The following PRICKLE2 variants were observed in gnomAD, a reference collection of about 807,000 sequenced individuals.
The protein encoded by PRICKLE2 is prickle-like protein 2.
A neutral mutation model predicts 81.4 loss-of-function variants in PRICKLE2; 21 were observed. The observed-to-expected ratio is 0.26, with a 90% CI of 0.18 to 0.37. PRICKLE2 has a LOEUF of 0.37. Among genes scored for constraint, PRICKLE2 ranks in the 10% least tolerant of loss-of-function variants. The pLI, the probability that PRICKLE2 is intolerant of heterozygous loss-of-function variation, is 1.00. For synonymous variants in PRICKLE2, 456 were observed against 421.5 expected (o/e 1.08, Z -1.00); for missense variants, 940 against 1,109.0 (o/e 0.85, Z 2.16).
At chr3:64,164,280 G>C (rs2077788130) in intron 2 of PRICKLE2, among the ~76,000 whole-genome samples, 1 of 152,180 alleles carries the variant, frequency 6.6e-6, no homozygotes, top group South Asian at 2.1e-4. Context: ...AGGAGGCTAA[G>C]GCAGGAGAAT....
At position 64,162,915 on chromosome 3, in the gene PRICKLE2, A is replaced by C. The variant is rs374120563; in HGVS notation, c.258+101T>G. The C allele has an allele frequency of 8.4e-6, 7 of 833,876 alleles. No individual in the cohort carries two copies. In the South Asian group the frequency reaches 9.3e-5, roughly 11 times the overall value. The allele number at this position is 833,876 out of a possible 1,614,324, so 51.7% of individuals were successfully genotyped here. On this transcript the variant is annotated intron_variant, in intron 3 of 7. Coordinates refer to ENST00000638394, the MANE Select transcript of PRICKLE2 (RefSeq NM_198859.4). ...GCTAAAACCTAAAATAAATTGCCAG[A>C]GTTCTTCTTCGGCTACCTCATTGGT...
At chr3:64,247,302 T>G (rs1269374839) in intron 2 of PRICKLE2, among the ~76,000 whole-genome samples, 1 of 152,242 alleles carries the variant, frequency 6.6e-6, no homozygotes, top group Non-Finnish European at 1.5e-5. Context: ...CATTTTAATG[T>G]GCAGAAAAGA....
At chr3:64,215,247 C>G (rs2078853976) in intron 1 of PRICKLE2, among the ~76,000 whole-genome samples, 1 of 152,142 alleles carries the variant, frequency 6.6e-6, no homozygotes, top group Non-Finnish European at 1.5e-5. Context: ...CCAGCCTCAG[C>G]AGTCTTTATT....
intron 1 of PRICKLE2, among the ~76,000 whole-genome samples, chr3:64,208,637 G>A (rs1326913473): frequency 6.6e-6 from 1 of 152,166 alleles, no homozygotes; most frequent in Non-Finnish European, 1.5e-5. Context: ...GAGCAGCTAT[G>A]TTCTACTGTT....
At chr3:64,160,627 G>A (rs1212193277) in intron 3 of PRICKLE2, among the ~76,000 whole-genome samples, 1 of 152,214 alleles carries the variant, frequency 6.6e-6, no homozygotes, top group Non-Finnish European at 1.5e-5. Context: ...CATCTGTGAT[G>A]CTGCACAAAA....
At chr3:64,222,262 T>A (rs999832640) in intron 1 of PRICKLE2, among the ~76,000 whole-genome samples, 8 of 152,134 alleles carry the variant, frequency 5.3e-5, no homozygotes, top group African/African-American at 1.9e-4. Flanking sequence ...AGGTGGGCTG[T>A]GGTTAAGGTA....
chr3:64,092,929 G>C lies in PRICKLE2; in HGVS notation c.*6122C>G, dbSNP rs1475331323. 6.6e-6 allele frequency: 1 copy of C among 152,232 alleles called. No individual in the cohort carries two copies. The highest frequency in any genetic ancestry group is 1.5e-5 in the Non-Finnish European group (1 of 68,076). 9.4% of individuals were successfully genotyped at this position (152,232 alleles called of 1,614,324 possible). A position where few individuals can be genotyped will look rare whatever the true frequency, so the allele number is the denominator to read the frequency against. On this transcript the variant is annotated 3_prime_UTR_variant, in exon 8 of 8. Transcript: ENST00000638394. The stretch of plus-strand genomic sequence containing the variant: ...CCACTTTTAAGTGTACAGTTCAGTA[G>C]TATTAAGTTCATCTGCATTGTTCTG...
At chr3:64,266,974 T>C (rs1251162758) in intron 2 of PRICKLE2, among the ~76,000 whole-genome samples, 2 of 150,354 alleles carry the variant, frequency 1.3e-5, no homozygotes, top group Non-Finnish European at 2.9e-5. Context: ...ACCCTCTGCA[T>C]TCGATTCTCA....
intron 7 of PRICKLE2, among the ~76,000 whole-genome samples, chr3:64,107,529 A>C (rs1024172271): frequency 6.6e-6 from 1 of 152,110 alleles, no homozygotes; most frequent in African/African-American, 2.4e-5. Flanking sequence ...GAAGACAGAG[A>C]GCTGTGTTTC....
chr3:64,144,904 CAGTACTAATCTCGCTGCTGATAGGTGTTA>C (rs1470169875), intron 7 of PRICKLE2, among the ~76,000 whole-genome samples: 4 of 152,260 alleles, frequency 2.6e-5, no homozygotes, highest in East Asian at 3.9e-4. Context: ...CTTCCAGTTT[CAGTACTAATCTCGCTGCTGATAGGTGTTA>C]AGTACTAATC....
chr3:64,256,115 G>T (rs1035756868), intron 2 of PRICKLE2, among the ~76,000 whole-genome samples: 4 of 152,164 alleles, frequency 2.6e-5, no homozygotes, highest in Non-Finnish European at 5.9e-5. Flanking sequence ...GGTTTTCACT[G>T]TTCTGTGCAG....
At chr3:64,196,494 G>C (rs1184629149) in intron 2 of PRICKLE2, among the ~76,000 whole-genome samples, 1 of 152,166 alleles carries the variant, frequency 6.6e-6, no homozygotes, top group Non-Finnish European at 1.5e-5. Context: ...CCCTCTCTGA[G>C]TGTCTAAACA....
At chr3:64,146,457 GAC>G in intron 7 of PRICKLE2, 1 of 241,910 alleles carries the variant, frequency 4.1e-6, no homozygotes, top group East Asian at 9.6e-5. Context: ...AAATCCGGAG[GAC>G]CAGGCTGGGC....
At position 64,147,818 on chromosome 3, in the gene PRICKLE2, G is replaced by T; in HGVS notation, c.788-116C>A. On this transcript the variant is annotated intron_variant, in intron 6 of 7. Transcript: ENST00000638394. This position sits in a 1 kb window ranked among gnomAD's most constrained non-coding sequence, Gnocchi z 5.0. ...GATTCCAGGTGCGGCAGGATAAACT[G>T]TCAATAAATCAACAATCAGACCCTT... 9.2e-7 allele frequency: 1 copy of T among 1,092,246 alleles called. No individual in the cohort carries two copies. Among genetic ancestry groups the T allele is most frequent in the Non-Finnish European group, 1.4e-6 (1 of 721,252 alleles). The allele number at this position is 1,092,246 out of a possible 1,614,324, so 67.7% of individuals were successfully genotyped here.
chr3:64,118,614 T>C (rs2076977064), intron 7 of PRICKLE2, among the ~76,000 whole-genome samples: 1 of 152,168 alleles, frequency 6.6e-6, no homozygotes, highest in Non-Finnish European at 1.5e-5. Flanking sequence ...TCACTGATAA[T>C]TAGAGAAATG....
At chr3:64,182,953 T>A (rs1436033756) in intron 2 of PRICKLE2, among the ~76,000 whole-genome samples, 2 of 151,270 alleles carry the variant, frequency 1.3e-5, no homozygotes, top group Non-Finnish European at 2.9e-5. Flanking sequence ...GAAAATAAAG[T>A]GGTAGGAATG....
intron 1 of PRICKLE2, among the ~76,000 whole-genome samples, chr3:64,215,961 T>C (rs953565164): frequency 6.6e-6 from 1 of 152,196 alleles, no homozygotes; most frequent in Non-Finnish European, 1.5e-5. Flanking sequence ...ATCTGAGAGA[T>C]AGAAGGAACA....
intron 2 of PRICKLE2, among the ~76,000 whole-genome samples, chr3:64,197,410 A>G (rs190497020): frequency 5.3e-5 from 8 of 152,302 alleles, no homozygotes; most frequent in African/African-American, 1.9e-4. Context: ...GTATCTGTTC[A>G]TGACCTTTGC....
chr3:64,170,703 T>TAAAAA (rs770744864), intron 2 of PRICKLE2, among the ~76,000 whole-genome samples: 1 of 113,404 alleles, frequency 8.8e-6, no homozygotes. Context: ...CTAGAAACAT[T>TAAAAA]AAAAAAAAAA....
Sources: allele counts gnomAD v4.1 joint callset (sites outside exome capture counted in the v4.1 genomes callset), GRCh38; gene constraint gnomAD v4.1.1; non-coding constraint Gnocchi (gnomAD v3.1); transcripts MANE v1.5; gene names NCBI Gene and HGNC (gene_info 2026-07-23, HGNC 2026-07-21).